The following NEK7 variants were observed in gnomAD, a reference collection of about 807,000 sequenced individuals.
NEK7 encodes serine/threonine-protein kinase Nek7.
NEK7 carries 18 observed loss-of-function variants against 44.6 expected under a neutral mutation model. That is an observed-to-expected ratio of 0.40 (90% confidence interval 0.28 to 0.60). The LOEUF (loss-of-function observed/expected upper bound fraction) is 0.60. NEK7 is among the 20% of genes least tolerant of loss of function. The probability of loss-of-function intolerance (pLI) is 0.38; values close to 1 mark genes in which losing one functional copy is unlikely to be tolerated. For synonymous variants in NEK7, 130 were observed against 121.1 expected, an observed-to-expected ratio of 1.07 and a Z score of -0.48; for missense variants, 256 against 366.5, an observed-to-expected ratio of 0.70 and a Z score of 2.46.
rs4915142 is a variant in NEK7, at chr1:198,314,623, G to C, written c.799-4789G>C. 5.2e-3 allele frequency among the ~76,000 whole-genome samples: 790 copies of C among 152,066 alleles called. 16 individuals carry two copies. Among genetic ancestry groups the C allele is most frequent in the Admixed American group, 0.041 (628 of 15,282 alleles). ...CAGGTGGGTTTTTGGTGTGGATGTC[G>C]TTTCTGTTTGTTAGTTTTCCTTCTA... On this transcript the variant is annotated intron_variant, in intron 9 of 9. Transcript: ENST00000367385.
intron 9 of NEK7, among the ~76,000 whole-genome samples, chr1:198,312,923 G>A (rs867621960): frequency 6.6e-6 from 1 of 152,190 alleles, no homozygotes; most frequent in Non-Finnish European, 1.5e-5. Context: ...CTGTTGATTT[G>A]GGTTGGAGAG....
At chr1:198,279,519 G>A (rs928695985) in intron 7 of NEK7, among the ~76,000 whole-genome samples, 1 of 151,838 alleles carries the variant, frequency 6.6e-6, no homozygotes, top group East Asian at 1.9e-4. Context: ...TTTAAATTGA[G>A]TAACTTAAAA....
At chr1:198,280,161 T>G (rs1254388519) in intron 7 of NEK7, among the ~76,000 whole-genome samples, 2 of 152,038 alleles carry the variant, frequency 1.3e-5, no homozygotes, top group African/African-American at 4.8e-5. Flanking sequence ...AAGAAATGGA[T>G]AAGTTTGCCC....
intron 1 of NEK7, among the ~76,000 whole-genome samples, chr1:198,173,417 A>G (rs1664509385): frequency 6.6e-6 from 1 of 150,620 alleles, no homozygotes; most frequent in Admixed American, 6.6e-5. Flanking sequence ...AGTCAAAGTG[A>G]GACTCTGTCT....
At chr1:198,197,285 G>A (rs1451747302) in intron 1 of NEK7, among the ~76,000 whole-genome samples, 4 of 152,132 alleles carry the variant, frequency 2.6e-5, no homozygotes, top group Admixed American at 2.6e-4. Flanking sequence ...GACTGGTGTG[G>A]TCTTTGCCTA....
chr1:198,280,885 GTTTTC>G (rs1654174281), intron 7 of NEK7, among the ~76,000 whole-genome samples: 1 of 150,930 alleles, frequency 6.6e-6, no homozygotes, highest in South Asian at 2.1e-4. Context: ...AAATGAGACT[GTTTTC>G]TTAACAGATG....
chr1:198,317,695 G>A (rs963506915), intron 9 of NEK7, among the ~76,000 whole-genome samples: 1 of 151,976 alleles, frequency 6.6e-6, no homozygotes. Flanking sequence ...TAAATATAAT[G>A]AACTTTTTGT....
At chr1:198,177,584 TAA>T (rs1664641717) in intron 1 of NEK7, among the ~76,000 whole-genome samples, 1 of 152,132 alleles carries the variant, frequency 6.6e-6, no homozygotes, top group Admixed American at 6.6e-5. Flanking sequence ...ATGCTTTTTT[TAA>T]ATGTAGAAGC....
At chr1:198,299,188 G>A (rs1654802091) in intron 9 of NEK7, among the ~76,000 whole-genome samples, 1 of 152,208 alleles carries the variant, frequency 6.6e-6, no homozygotes, top group African/African-American at 2.4e-5. Context: ...TAGTTTCTAG[G>A]TAAATGTGGA....
At chr1:198,157,578 G>GCAA (rs2102685942) in intron 1 of NEK7, among the ~76,000 whole-genome samples, 1 of 152,382 alleles carries the variant, frequency 6.6e-6, no homozygotes, top group Admixed American at 6.5e-5. Flanking sequence ...GGCGGCGGCG[G>GCAA]CAACAGGTCT....
At chr1:198,240,263 AC>A (rs1666646381) in intron 2 of NEK7, among the ~76,000 whole-genome samples, 1 of 152,198 alleles carries the variant, frequency 6.6e-6, no homozygotes, top group South Asian at 2.1e-4. Flanking sequence ...ACACTTACAT[AC>A]TTACGAGTGA....
chr1:198,256,690 A>G (rs546196217), intron 3 of NEK7, among the ~76,000 whole-genome samples: 2 of 152,024 alleles, frequency 1.3e-5, no homozygotes, highest in Non-Finnish European at 2.9e-5. Context: ...GACTCATGGG[A>G]TTCTAGTGGG....
At chr1:198,195,636 C>A (rs1388019547) in intron 1 of NEK7, among the ~76,000 whole-genome samples, 1 of 152,164 alleles carries the variant, frequency 6.6e-6, no homozygotes, top group African/African-American at 2.4e-5. Context: ...GCCTGGCCAA[C>A]ATGGTGAAAC....
At chr1:198,280,205 A>G (rs1344259403) in intron 7 of NEK7, among the ~76,000 whole-genome samples, 3 of 152,076 alleles carry the variant, frequency 2.0e-5, no homozygotes, top group Non-Finnish European at 4.4e-5. Context: ...GGGAAGTTAC[A>G]GTACATGCAA....
intron 1 of NEK7, among the ~76,000 whole-genome samples, chr1:198,223,350 A>G (rs1056614325): frequency 6.6e-6 from 1 of 152,194 alleles, no homozygotes; most frequent in Admixed American, 6.5e-5. Flanking sequence ...AGTAGAACAA[A>G]TGATGCATAC....
chr1:198,258,016 G>T (rs190698529), intron 3 of NEK7, among the ~76,000 whole-genome samples: 2 of 152,180 alleles, frequency 1.3e-5, no homozygotes, highest in Non-Finnish European at 2.9e-5. Flanking sequence ...CCATGCTGTG[G>T]TATTAGAGAC....
intron 1 of NEK7, among the ~76,000 whole-genome samples, chr1:198,181,060 T>C (rs961927284): frequency 1.3e-5 from 2 of 152,066 alleles, no homozygotes; most frequent in African/African-American, 4.8e-5. Context: ...CACATGATAA[T>C]CACCATGCTA....
At chr1:198,228,269 A>G (rs1403390783) in intron 1 of NEK7, among the ~76,000 whole-genome samples, 1 of 152,160 alleles carries the variant, frequency 6.6e-6, no homozygotes, top group African/African-American at 2.4e-5. Context: ...TGGTTACTGT[A>G]GCCTTGTAGT....
rs915114811 is a variant in NEK7, at chr1:198,162,441, A to G, written c.-29+5165A>G. 9.2e-5 allele frequency among the ~76,000 whole-genome samples: 14 copies of G among 152,320 alleles called. No individual in the cohort carries two copies. The East Asian group carries it at 2.5e-3, about 27-fold the overall frequency. On this transcript the variant is annotated intron_variant, in intron 1 of 9. Coordinates refer to ENST00000367385, the MANE Select transcript of NEK7 (RefSeq NM_133494.3). ...GAAAACTCCAGGGTTGTCATTGCCT[A>G]CTTTATGACCTTGGTTGAGTTGCTC...
Sources: gnomAD v4.1 joint callset for allele counts (sites outside exome capture counted in the v4.1 genomes callset) on GRCh38, gnomAD v4.1.1 for gene constraint, MANE v1.5 for transcripts, NCBI Gene and HGNC (gene_info 2026-07-23, HGNC 2026-07-21) for gene names.